CCSER1: variants seen among roughly 807,000 people sequenced by gnomAD.
CCSER1 encodes coiled-coil serine rich protein 1.
In CCSER1, 41 loss-of-function variants were observed where a neutral mutation model predicts 82.0. The ratio of observed to expected loss-of-function variants is 0.50; its 90% CI spans 0.39 to 0.65. CCSER1 has a LOEUF of 0.65. Among genes scored for constraint, CCSER1 ranks in the 30% least tolerant of loss-of-function variants. The probability of loss-of-function intolerance (pLI) is 0.00; values close to 1 mark genes in which losing one functional copy is unlikely to be tolerated. For synonymous variants in CCSER1, 414 were observed against 383.9 expected (o/e 1.08, Z -0.92); for missense variants, 1,119 against 1,064.2 (o/e 1.05, Z -0.72).
At chr4:90,839,321 TTTAA>T (rs376939170) in intron 8 of CCSER1, among the ~76,000 whole-genome samples, 22 of 152,278 alleles carry the variant, frequency 1.4e-4, no homozygotes, top group African/African-American at 2.2e-4. Context: ...AAGAACATAA[TTTAA>T]TTAAGCAGAG....
intron 10 of CCSER1, among the ~76,000 whole-genome samples, chr4:91,264,297 T>C (rs1238198572): frequency 9.2e-5 from 14 of 151,698 alleles, no homozygotes; most frequent in Non-Finnish European, 1.6e-4. Flanking sequence ...AATGGGAAAA[T>C]AAATAGTTGC....
intron 10 of CCSER1, among the ~76,000 whole-genome samples, chr4:91,143,012 G>A (rs1164068268): frequency 6.6e-6 from 1 of 152,028 alleles, no homozygotes. Flanking sequence ...TTAATACTGT[G>A]AAAAATGATG....
intron 10 of CCSER1, among the ~76,000 whole-genome samples, chr4:91,302,471 A>G (rs1469657043): frequency 6.6e-6 from 1 of 151,912 alleles, no homozygotes. Context: ...TTCTTGACTG[A>G]TCATCTATTT....
At chr4:91,268,786 G>A (rs998906242) in intron 10 of CCSER1, among the ~76,000 whole-genome samples, 86 of 152,180 alleles carry the variant, frequency 5.7e-4, no homozygotes, top group African/African-American at 1.9e-3. Flanking sequence ...TGAGCCAGGA[G>A]AAGGAATTTC....
intron 10 of CCSER1, among the ~76,000 whole-genome samples, chr4:91,395,059 T>G (rs911994297): frequency 6.6e-6 from 1 of 152,098 alleles, no homozygotes; most frequent in Admixed American, 6.6e-5. Context: ...AGCCAGCATT[T>G]TCCCATTTTT....
chr4:91,129,409 C>A (rs1727808093), intron 10 of CCSER1, among the ~76,000 whole-genome samples: 1 of 151,852 alleles, frequency 6.6e-6, no homozygotes, highest in Admixed American at 6.6e-5. Flanking sequence ...GGGGAAAGAG[C>A]TAGATAGCTA....
intron 6 of CCSER1, chr4:90,683,004 A>G (rs1734170790): frequency 6.6e-6 from 1 of 152,260 alleles, no homozygotes; most frequent in African/African-American, 2.4e-5. Context: ...CTAAAGAACA[A>G]GTGCCATTTT....
intron 10 of CCSER1, among the ~76,000 whole-genome samples, chr4:91,160,265 T>C (rs1307672161): frequency 6.6e-6 from 1 of 152,248 alleles, no homozygotes; most frequent in Non-Finnish European, 1.5e-5. Flanking sequence ...ATGATGTATA[T>C]GTGCCACATT....
At chr4:90,184,141 G>T (rs561530517) in intron 1 of CCSER1, among the ~76,000 whole-genome samples, 1 of 152,202 alleles carries the variant, frequency 6.6e-6, no homozygotes, top group African/African-American at 2.4e-5. Context: ...AAGACATTTT[G>T]CCATGGCTCG....
At chr4:91,593,409 G>A (rs1764359164) in intron 10 of CCSER1, among the ~76,000 whole-genome samples, 1 of 148,928 alleles carries the variant, frequency 6.7e-6, no homozygotes, top group African/African-American at 2.5e-5. Flanking sequence ...AAAAAACAGG[G>A]TATAATTTTA....
At chr4:90,667,331 G>T (rs747299657) in intron 6 of CCSER1, among the ~76,000 whole-genome samples, 1 of 152,106 alleles carries the variant, frequency 6.6e-6, no homozygotes, top group Admixed American at 6.5e-5. Context: ...ATGGCTCATT[G>T]TTAAGTGTTA....
intron 5 of CCSER1, among the ~76,000 whole-genome samples, chr4:90,500,358 G>A (rs969304861): frequency 9.3e-5 from 14 of 151,212 alleles, no homozygotes; most frequent in African/African-American, 3.4e-4. Flanking sequence ...TTTTTAGACA[G>A]TTTTGCCCTA....
chr4:91,309,048 C>T (rs1745263453), intron 10 of CCSER1, among the ~76,000 whole-genome samples: 2 of 151,916 alleles, frequency 1.3e-5, no homozygotes, highest in Non-Finnish European at 2.9e-5. Context: ...TTCTCATTTT[C>T]ATGCTGAGTT....
chr4:90,357,790 G>C lies in CCSER1; in HGVS notation c.1510-42246G>C, dbSNP rs189230711. On this transcript the variant is annotated intron_variant, in intron 3 of 10. Coordinates refer to ENST00000509176, the MANE Select transcript of CCSER1 (RefSeq NM_001145065.2). ...GCTTCTATCCAATTGAAATGATTTA[G>C]AAGGTCAATTCTAAAACTATCGTGT... Among the ~76,000 whole-genome samples the C allele has an allele frequency of 8.3e-4, 126 of 152,126 alleles. 2 individuals carry two copies. Among genetic ancestry groups the C allele is most frequent in the Admixed American group, 1.4e-3 (21 of 15,278 alleles).
intron 7 of CCSER1, among the ~76,000 whole-genome samples, chr4:90,761,919 C>A (rs1165337696): frequency 6.6e-6 from 1 of 151,740 alleles, no homozygotes; most frequent in African/African-American, 2.4e-5. Flanking sequence ...CTTAAGGAGG[C>A]TGACAAATTA....
At chr4:91,265,219 T>C (rs1741482640) in intron 10 of CCSER1, among the ~76,000 whole-genome samples, 2 of 152,124 alleles carry the variant, frequency 1.3e-5, no homozygotes, top group Middle Eastern at 3.6e-3. Context: ...CTTTGGAACT[T>C]TGATTAATTT....
At chr4:91,207,616 T>C (rs975627242) in intron 10 of CCSER1, among the ~76,000 whole-genome samples, 1 of 151,956 alleles carries the variant, frequency 6.6e-6, no homozygotes, top group Non-Finnish European at 1.5e-5. Context: ...ACATTTTCTT[T>C]ATCCAGTCTA....
intron 5 of CCSER1, among the ~76,000 whole-genome samples, chr4:90,534,915 C>T (rs538586770): frequency 2.0e-5 from 3 of 152,132 alleles, no homozygotes; most frequent in Non-Finnish European, 4.4e-5. Flanking sequence ...CCAGCAGCAT[C>T]CAAATCACTT....
At chr4:90,534,418 C>G (rs961506197) in intron 5 of CCSER1, among the ~76,000 whole-genome samples, 1 of 150,502 alleles carries the variant, frequency 6.6e-6, no homozygotes, top group Non-Finnish European at 1.5e-5. Context: ...CGTGAGCCAC[C>G]GAGCCCAGGC....
Sources: gnomAD v4.1 joint callset for allele counts (sites outside exome capture counted in the v4.1 genomes callset) on GRCh38, gnomAD v4.1.1 for gene constraint, MANE v1.5 for transcripts, NCBI Gene and HGNC (gene_info 2026-07-23, HGNC 2026-07-21) for gene names.